The following GRID2 variants were observed in gnomAD, a reference collection of about 807,000 sequenced individuals.
GRID2 encodes glutamate receptor ionotropic, delta-2.
A neutral mutation model predicts 114.8 loss-of-function variants in GRID2; 33 were observed. The ratio of observed to expected loss-of-function variants is 0.29; its 90% CI spans 0.22 to 0.38. GRID2 has a LOEUF of 0.38. Among genes scored for constraint, GRID2 ranks in the 10% least tolerant of loss-of-function variants. The pLI, the probability that GRID2 is intolerant of heterozygous loss-of-function variation, is 1.00. For synonymous variants in GRID2, 505 were observed against 449.9 expected (o/e 1.12, Z -1.55); for missense variants, 1,184 against 1,257.7 (o/e 0.94, Z 0.89).
At chr4:92,578,429 C>G (rs1728012488) in intron 1 of GRID2, among the ~76,000 whole-genome samples, 1 of 151,202 alleles carries the variant, frequency 6.6e-6, no homozygotes, top group African/African-American at 2.4e-5. Flanking sequence ...TCATCCATGT[C>G]CCTACAAAGG....
In GRID2 at chr4:93,215,777, G is replaced by GT. The variant is rs61522243; in HGVS notation, c.790-957dup. On this transcript the variant is annotated intron_variant, in intron 5 of 15. Transcript: ENST00000282020. ...GAACATTTACACCTATGAATTATCT[G>GT]TTTTCTTTCATTTTTTTTGTAATAA... Among the ~76,000 whole-genome samples the GT allele has an allele frequency of 2.6e-3, 400 of 152,036 alleles. 2 individuals are homozygous for GT. The highest frequency in any genetic ancestry group is 9.3e-3 in the African/African-American group (386 of 41,508).
intron 1 of GRID2, among the ~76,000 whole-genome samples, chr4:92,376,931 T>G (rs1171213575): frequency 1.3e-5 from 2 of 152,086 alleles, no homozygotes; most frequent in Non-Finnish European, 2.9e-5. Context: ...ACGAAACCAC[T>G]TTTTCCTCCT....
At chr4:92,642,095 G>A (rs888334650) in intron 2 of GRID2, among the ~76,000 whole-genome samples, 8 of 151,348 alleles carry the variant, frequency 5.3e-5, no homozygotes, top group Admixed American at 2.0e-4. Flanking sequence ...TCAGTGCTAT[G>A]GCAATGAACA....
chr4:92,954,100 C>G (rs574140203), intron 2 of GRID2, among the ~76,000 whole-genome samples: 3 of 152,146 alleles, frequency 2.0e-5, no homozygotes, highest in Non-Finnish European at 4.4e-5. Flanking sequence ...TGCAGACACA[C>G]ACATATATGC....
intron 8 of GRID2, among the ~76,000 whole-genome samples, chr4:93,308,536 T>A (rs537497462): frequency 6.6e-6 from 1 of 152,272 alleles, no homozygotes; most frequent in South Asian, 2.1e-4. Context: ...CAACACTGCT[T>A]ACTTAATGAA....
intron 11 of GRID2, among the ~76,000 whole-genome samples, chr4:93,474,397 G>A (rs991896434): frequency 6.6e-6 from 1 of 152,056 alleles, no homozygotes; most frequent in Non-Finnish European, 1.5e-5. Flanking sequence ...TATGTTTTAA[G>A]TTGACTGCTT....
intron 4 of GRID2, among the ~76,000 whole-genome samples, chr4:93,162,597 C>T (rs1737790146): frequency 6.6e-6 from 1 of 151,844 alleles, no homozygotes. Context: ...CATAATTTAT[C>T]ATTATACAAC....
intron 2 of GRID2, among the ~76,000 whole-genome samples, chr4:93,043,898 G>T (rs1725867676): frequency 6.6e-6 from 1 of 151,288 alleles, no homozygotes; most frequent in African/African-American, 2.4e-5. Flanking sequence ...ATGTACCCTA[G>T]AACTTAAAGT....
chr4:93,461,961 T>C (rs1057223240), intron 11 of GRID2, among the ~76,000 whole-genome samples: 2 of 152,206 alleles, frequency 1.3e-5, no homozygotes, highest in African/African-American at 2.4e-5. Context: ...TGTAGTTGTA[T>C]GTAATTTGCT....
intron 13 of GRID2, among the ~76,000 whole-genome samples, chr4:93,588,606 T>C (rs1268163182): frequency 6.6e-6 from 1 of 152,142 alleles, no homozygotes; most frequent in South Asian, 2.1e-4. Context: ...CTCATTCTGA[T>C]TCATACCCAC....
At chr4:93,087,966 A>T (rs1730469091) in intron 3 of GRID2, among the ~76,000 whole-genome samples, 1 of 152,144 alleles carries the variant, frequency 6.6e-6, no homozygotes, top group African/African-American at 2.4e-5. Context: ...GTTATGAAGA[A>T]TTGCTTTCAT....
chr4:93,269,178 A>G (rs2149565005), intron 8 of GRID2, among the ~76,000 whole-genome samples: 1 of 152,302 alleles, frequency 6.6e-6, no homozygotes, highest in South Asian at 2.1e-4. Flanking sequence ...TAGTCAGTTT[A>G]ATGCAGTGAT....
At chr4:93,163,190 A>G (rs1737849609) in intron 4 of GRID2, among the ~76,000 whole-genome samples, 1 of 151,560 alleles carries the variant, frequency 6.6e-6, no homozygotes, top group Non-Finnish European at 1.5e-5. Context: ...ATTTAAATAC[A>G]TATACAAATT....
intron 8 of GRID2, among the ~76,000 whole-genome samples, chr4:93,330,206 G>C (rs185614569): frequency 5.9e-5 from 9 of 152,100 alleles, no homozygotes; most frequent in Non-Finnish European, 1.2e-4. Context: ...AAATAACATA[G>C]TAGTGCATGT....
chr4:93,024,682 A>T (rs185111396), intron 2 of GRID2, among the ~76,000 whole-genome samples: 2 of 151,942 alleles, frequency 1.3e-5, no homozygotes, highest in African/African-American at 4.8e-5. Context: ...ATGACTGAAT[A>T]CTTAAGATTT....
At chr4:93,055,378 A>G (rs1038768407) in intron 2 of GRID2, among the ~76,000 whole-genome samples, 27 of 151,868 alleles carry the variant, frequency 1.8e-4, no homozygotes, top group Non-Finnish European at 2.9e-5. Flanking sequence ...CACAGAGGTT[A>G]AAAACTAACT....
intron 10 of GRID2, among the ~76,000 whole-genome samples, chr4:93,436,443 A>G (rs1332657984): frequency 6.6e-6 from 1 of 152,110 alleles, no homozygotes; most frequent in Non-Finnish European, 1.5e-5. Flanking sequence ...CCACTTGCCC[A>G]GGTGGAGCAC....
intron 13 of GRID2, among the ~76,000 whole-genome samples, chr4:93,557,673 C>T (rs561800263): frequency 5.1e-4 from 77 of 152,212 alleles, no homozygotes; most frequent in Non-Finnish European, 8.7e-4. Flanking sequence ...GTATTAGACA[C>T]ATCAACAGGA....
At chr4:92,926,564 C>A (rs1382778421) in intron 2 of GRID2, among the ~76,000 whole-genome samples, 1 of 151,832 alleles carries the variant, frequency 6.6e-6, no homozygotes, top group East Asian at 1.9e-4. Flanking sequence ...AGTATAACTG[C>A]TGAAAAAGAG....
Sources: gnomAD v4.1 joint callset for allele counts (sites outside exome capture counted in the v4.1 genomes callset) on GRCh38, gnomAD v4.1.1 for gene constraint, MANE v1.5 for transcripts, NCBI Gene and HGNC (gene_info 2026-07-23, HGNC 2026-07-21) for gene names.